SMYD2: variants seen among roughly 807,000 people sequenced by gnomAD.
SMYD2 encodes N-lysine methyltransferase SMYD2.
Under a neutral mutation model 59.1 loss-of-function variants are expected in SMYD2, and 53 were observed. The ratio of observed to expected loss-of-function variants is 0.90; its 90% CI spans 0.72 to 1.13. The LOEUF is 1.13. Among genes scored for constraint, SMYD2 ranks in the 50% most tolerant of loss-of-function variants. The pLI, the probability that SMYD2 is intolerant of heterozygous loss-of-function variation, is 0.00. For synonymous variants in SMYD2, 208 were observed against 198.8 expected (o/e 1.05, Z -0.39); for missense variants, 494 against 544.7 (o/e 0.91, Z 0.93).
chr1:214,295,823 C>G (rs1382300783), intron 1 of SMYD2, among the ~76,000 whole-genome samples: 3 of 152,184 alleles, frequency 2.0e-5, no homozygotes. Flanking sequence ...AGGGTTCTGC[C>G]ACAATTCCTC....
intron 1 of SMYD2, among the ~76,000 whole-genome samples, chr1:214,297,314 GTT>G (rs3032359): frequency 1.4e-5 from 2 of 144,660 alleles, no homozygotes; most frequent in African/African-American, 2.5e-5. Flanking sequence ...GTTATTTCAG[GTT>G]TTTTTTTTTT....
At chr1:214,321,257 T>A (rs1037402815) in intron 5 of SMYD2, among the ~76,000 whole-genome samples, 2 of 152,096 alleles carry the variant, frequency 1.3e-5, no homozygotes, top group Non-Finnish European at 2.9e-5. Flanking sequence ...TATATATATA[T>A]ACACACACAT....
Position 214,299,465 on chromosome 1 carries a change from T to TATATATATATATATATATATATA in SMYD2, c.174-5722_174-5721insATATATATATATATATATATATA, listed in dbSNP as rs1553254476. The stretch of plus-strand genomic sequence containing the variant: ...AACAGTGAACTGGATAAAGAAAACA[T>TATATATATATATATATATATATA]TATATATATATATATATACACCATA... On this transcript the variant is annotated intron_variant, in intron 1 of 11. Transcript: ENST00000366957. 2.5e-3 allele frequency among the ~76,000 whole-genome samples: 181 copies of TATATATATATATATATATATATA among 71,478 alleles called. 5 individuals carry two copies. The highest frequency in any genetic ancestry group is 5.6e-3 in the Middle Eastern group (1 of 178). 46.9% of individuals were successfully genotyped at this position (71,478 alleles called of 152,430 possible).
chr1:214,299,483 A>ATATATATATAT, intron 1 of SMYD2, among the ~76,000 whole-genome samples: 1 of 19,776 alleles, frequency 5.1e-5, no homozygotes, highest in South Asian at 1.4e-3. Context: ...ATATATATAT[A>ATATATATATAT]CACCATAGAA....
intron 6 of SMYD2, among the ~76,000 whole-genome samples, chr1:214,327,042 C>A (rs1461488160): frequency 2.0e-5 from 3 of 152,246 alleles, no homozygotes; most frequent in Non-Finnish European, 4.4e-5. Context: ...CTCCTTCTCG[C>A]TGTCCCTGAA....
chr1:214,310,879 C>A (rs1656989771), intron 2 of SMYD2, among the ~76,000 whole-genome samples: 1 of 152,080 alleles, frequency 6.6e-6, no homozygotes, highest in Non-Finnish European at 1.5e-5. Context: ...ATGCTTAAAA[C>A]CTGACATTTT....
chr1:214,304,290 G>A (rs896526558), intron 1 of SMYD2, among the ~76,000 whole-genome samples: 2 of 151,994 alleles, frequency 1.3e-5, no homozygotes, highest in African/African-American at 2.4e-5. Context: ...GGGGCACGGC[G>A]GCTCATGCCT....
intron 2 of SMYD2, among the ~76,000 whole-genome samples, chr1:214,314,038 G>C (rs924722944): frequency 1.3e-5 from 2 of 152,098 alleles, no homozygotes; most frequent in African/African-American, 4.8e-5. Flanking sequence ...TTAGCCGGGC[G>C]TAGTGGCACA....
chr1:214,332,705 T>A (rs1226317340), intron 10 of SMYD2: 1 of 153,618 alleles, frequency 6.5e-6, no homozygotes, highest in African/African-American at 2.4e-5. Flanking sequence ...AATTGCTTTT[T>A]AATTTGTAGT....
chr1:214,329,056 A>T (rs1657308586), intron 7 of SMYD2, among the ~76,000 whole-genome samples: 1 of 152,172 alleles, frequency 6.6e-6, no homozygotes, highest in African/African-American at 2.4e-5. Flanking sequence ...CAGTCATTAC[A>T]GAGATTGTTG....
chr1:214,330,870 T>A (rs988693942), intron 8 of SMYD2, 80 bp from the exon 9 acceptor site: 59 of 1,598,542 alleles, frequency 3.7e-5, no homozygotes, highest in Non-Finnish European at 4.0e-5. Flanking sequence ...TGTGTGGGAA[T>A]GTGTATTATA....
At chr1:214,333,587 ATCAG>A (rs1360802379) in intron 10 of SMYD2, 1 of 152,520 alleles carries the variant, frequency 6.6e-6, no homozygotes, top group African/African-American at 2.4e-5. Context: ...GGCAGACCCC[ATCAG>A]TCAGTCTTCA....
At position 214,335,359 on chromosome 1, in the gene SMYD2, G is replaced by A. The variant is rs556762194; in HGVS notation, c.1221+1051G>A. The stretch of plus-strand genomic sequence containing the variant: ...GGGTCACAACTGCAAAGTGTGTCAG[G>A]TGATTAAGTAATAGATCAATGAAAG... On this transcript the variant is annotated intron_variant, in intron 11 of 11. Transcript: ENST00000366957. Among the ~76,000 whole-genome samples the A allele has an allele frequency of 6.7e-4, 102 of 152,208 alleles. 1 individual carries two copies. The highest frequency in any genetic ancestry group is 5.2e-4 in the Admixed American group (8 of 15,284).
At chr1:214,327,363 T>C (rs1044972265) in intron 6 of SMYD2, 2 of 394,552 alleles carry the variant, frequency 5.1e-6, no homozygotes, top group Non-Finnish European at 9.4e-6. Context: ...TTGTTTTTGC[T>C]GTTGTGTGTT....
chr1:214,294,850 G>A (rs372716691), intron 1 of SMYD2, among the ~76,000 whole-genome samples: 3 of 152,196 alleles, frequency 2.0e-5, no homozygotes, highest in Non-Finnish European at 2.9e-5. Context: ...CGGACAGAAC[G>A]TTGAAGTGAG....
Position 214,337,007 on chromosome 1 carries a change from G to T in SMYD2, c.*223G>T. 2.1e-6 allele frequency: 1 copy of T among 469,122 alleles called. No individual in the cohort carries two copies. The highest frequency in any genetic ancestry group is 3.7e-6 in the Non-Finnish European group (1 of 267,124). 29.1% of individuals were successfully genotyped at this position (469,122 alleles called of 1,614,324 possible). A position where few individuals can be genotyped will look rare whatever the true frequency, so the allele number is the denominator to read the frequency against. On this transcript the variant is annotated 3_prime_UTR_variant, in exon 12 of 12. Coordinates refer to ENST00000366957, the MANE Select transcript of SMYD2 (RefSeq NM_020197.3). ...ATGCTTTTGTTTCCTAAGAGATAAT[G>T]GCATGGTTTCATATGTTATACTTTG...
chr1:214,291,888 T>A lies in SMYD2; in HGVS notation c.173+10461T>A, dbSNP rs549379509. On this transcript the variant is annotated intron_variant, in intron 1 of 11. Coordinates refer to ENST00000366957, the MANE Select transcript of SMYD2 (RefSeq NM_020197.3). ...ATGAAATATGGCCTACCCATACACC[T>A]GAGTAAATATTTTAAACAGCACTCT... 3.3e-5 allele frequency among the ~76,000 whole-genome samples: 5 copies of A among 152,318 alleles called. 1 individual carries two copies. In the South Asian group the frequency reaches 1.0e-3, roughly 32 times the overall value.
chr1:214,301,006 T>G (rs1038419601), intron 1 of SMYD2, among the ~76,000 whole-genome samples: 1 of 152,234 alleles, frequency 6.6e-6, no homozygotes, highest in African/African-American at 2.4e-5. Context: ...GAAGGTTTAT[T>G]CATTTTAAAA....
At chr1:214,313,560 TCTC>T (rs1292416314) in intron 2 of SMYD2, among the ~76,000 whole-genome samples, 1 of 150,898 alleles carries the variant, frequency 6.6e-6, no homozygotes, top group African/African-American at 2.4e-5. Context: ...CTAAGCTGTG[TCTC>T]CTTTCATTTT....
Sources: allele counts gnomAD v4.1 joint callset (sites outside exome capture counted in the v4.1 genomes callset), GRCh38; gene constraint gnomAD v4.1.1; transcripts MANE v1.5; gene names NCBI Gene and HGNC (gene_info 2026-07-23, HGNC 2026-07-21).